Variants in THOC2 observed in about 807,000 individuals in gnomAD.
THOC2 encodes THO complex 2.
A neutral mutation model predicts 128.4 loss-of-function variants in THOC2; 10 were observed. That is an observed-to-expected ratio of 0.08 (90% CI 0.05 to 0.13). THOC2 has a LOEUF of 0.13. Ranked by LOEUF, THOC2 falls within the 10% of genes least tolerant of loss-of-function variation. The pLI is 1.00. For missense variants in THOC2, 535 were observed against 1,155.7 expected, an observed-to-expected ratio of 0.46 and a Z score of 7.79; for synonymous variants, 393 against 396.9, an observed-to-expected ratio of 0.99 and a Z score of 0.12.
Position 123,667,573 on chromosome X carries a change from A to G in THOC2, c.1018-295T>C, listed in dbSNP as rs185503099. ...GGCAACATGGCGAAATCCCATCTCT[A>G]CAAAAAATACAAAAATTAGCCAAGT... On this transcript the variant is annotated intron_variant, in intron 10 of 38. Coordinates refer to ENST00000245838, the MANE Select transcript of THOC2 (RefSeq NM_001081550.2). 1.1e-4 allele frequency among the ~76,000 whole-genome samples: 12 copies of G among 110,353 alleles called. No homozygotes were observed. In the East Asian group the frequency reaches 3.4e-3, roughly 31 times the overall value.
At chrX:123,716,712 G>C (rs1470904966) in intron 1 of THOC2, among the ~76,000 whole-genome samples, 3 of 98,400 alleles carry the variant, frequency 3.0e-5, no homozygotes, top group African/African-American at 1.1e-4. Flanking sequence ...CTGGGCGACA[G>C]AGCGAGACTC....
chrX:123,695,900 C>T, intron 7 of THOC2, 121 bp downstream of exon 7: 1 of 439,662 alleles, frequency 2.3e-6, no homozygotes, highest in Non-Finnish European at 3.8e-6. Context: ...AACACCTCTC[C>T]CATTCCTTAA....
Position 123,660,677 on chromosome X carries a change from A to G in THOC2, c.1386+4965T>C, listed in dbSNP as rs754120186. 2.7e-5 allele frequency among the ~76,000 whole-genome samples: 3 copies of G among 112,355 alleles called. No homozygotes were observed. The East Asian group carries it at 8.3e-4, about 31-fold the overall frequency. On this transcript the variant is annotated intron_variant, in intron 12 of 38. Coordinates refer to ENST00000245838, the MANE Select transcript of THOC2 (RefSeq NM_001081550.2). ...CTAACATGAATCATCCTTTTCAGAC[A>G]ATAAAAATCAAGAGTGAAACATTAT...
Position 123,654,186 on chromosome X carries a change from G to A in THOC2, c.1387-8811C>T, listed in dbSNP as rs188439330. On this transcript the variant is annotated intron_variant, in intron 12 of 38. Coordinates refer to ENST00000245838, the MANE Select transcript of THOC2 (RefSeq NM_001081550.2). ...AACCAAACACCGCATGTTCTCATTC[G>A]TAAGTGGGAGTTGAACAATTAGAAC... Among the ~76,000 whole-genome samples the A allele has an allele frequency of 5.2e-4, 57 of 109,727 alleles. No homozygotes were observed. The East Asian group carries it at 0.015, about 28-fold the overall frequency.
At position 123,723,003 on chromosome X, in the gene THOC2, A is replaced by C. The variant is rs375433792; in HGVS notation, c.71+9949T>G. ...AGACCAGCCTGCCCAACATGGTGAAACCCTGTCTCTACTAAAAACACAAAA... is the reference window on the plus strand; with the variant it reads ...AGACCAGCCTGCCCAACATGGTGAACCCCTGTCTCTACTAAAAACACAAAA... On this transcript the variant is annotated intron_variant, in intron 1 of 38. Coordinates refer to ENST00000245838, the MANE Select transcript of THOC2 (RefSeq NM_001081550.2). 6.3e-4 allele frequency among the ~76,000 whole-genome samples: 70 copies of C among 111,221 alleles called. 9 individuals are homozygous for C. The highest frequency in any genetic ancestry group is 5.1e-3 in the Admixed American group (53 of 10,458).
intron 12 of THOC2, among the ~76,000 whole-genome samples, chrX:123,651,175 C>T (rs1442155095): frequency 8.9e-6 from 1 of 111,762 alleles, no homozygotes; most frequent in African/African-American, 3.3e-5. Context: ...TACATGGAAA[C>T]TGAACAACTT....
chrX:123,708,849 C>A (rs183228635), intron 2 of THOC2, among the ~76,000 whole-genome samples: 1 of 111,442 alleles, frequency 9.0e-6, no homozygotes, highest in African/African-American at 3.3e-5. Context: ...TGGGTTCAAG[C>A]GCTTCTCCAG....
chrX:123,654,676 G>A (rs1013863755), intron 12 of THOC2, among the ~76,000 whole-genome samples: 6 of 99,728 alleles, frequency 6.0e-5, no homozygotes, highest in Non-Finnish European at 1.2e-4. Flanking sequence ...GGAGAATCGC[G>A]TGAACCTAGG....
intron 24 of THOC2, among the ~76,000 whole-genome samples, 184 bp downstream of exon 24, chrX:123,626,337 A>G (rs763353402): frequency 1.8e-5 from 2 of 112,503 alleles, no homozygotes; most frequent in African/African-American, 6.4e-5. Flanking sequence ...TAACTTCACC[A>G]GCAAACTATA....
At chrX:123,718,120 C>T (rs925774562) in intron 1 of THOC2, among the ~76,000 whole-genome samples, 8 of 111,974 alleles carry the variant, frequency 7.1e-5, no homozygotes, top group African/African-American at 1.9e-4. Flanking sequence ...GAATAGAGAG[C>T]GCAGATATTA....
chrX:123,680,761 G>A (rs2049739463), intron 8 of THOC2, among the ~76,000 whole-genome samples: 1 of 111,407 alleles, frequency 9.0e-6, no homozygotes, highest in East Asian at 2.8e-4. Flanking sequence ...CCCTAAGTTG[G>A]TGACAACACT....
intron 30 of THOC2, among the ~76,000 whole-genome samples, chrX:123,621,859 A>G (rs2047094879): frequency 9.0e-6 from 1 of 110,791 alleles, no homozygotes; most frequent in African/African-American, 3.3e-5. Context: ...CCTGGTCAAC[A>G]TGGTGAAACC....
At chrX:123,666,433 T>C (rs1325261920) in intron 11 of THOC2, among the ~76,000 whole-genome samples, 3 of 110,927 alleles carry the variant, frequency 2.7e-5, no homozygotes, top group African/African-American at 9.8e-5. Context: ...CAGGGGTCAC[T>C]CTCTAAGAAG....
At chrX:123,622,366 A>G (rs1287748564) in intron 30 of THOC2, among the ~76,000 whole-genome samples, 6 of 112,499 alleles carry the variant, frequency 5.3e-5, no homozygotes, top group African/African-American at 1.9e-4. Flanking sequence ...TTAACTTCAC[A>G]CCTACATTCC....
intron 12 of THOC2, among the ~76,000 whole-genome samples, chrX:123,649,316 A>AC (rs1437053653): frequency 2.7e-5 from 3 of 111,673 alleles, no homozygotes; most frequent in African/African-American, 9.8e-5. Context: ...AACGACAAAG[A>AC]CCAAAGGTAG....
At chrX:123,674,197 T>A (rs2049393594) in intron 8 of THOC2, among the ~76,000 whole-genome samples, 2 of 112,251 alleles carry the variant, frequency 1.8e-5, no homozygotes, top group South Asian at 7.4e-4. Flanking sequence ...ATTACACAAC[T>A]ATGTTTCCTT....
intron 33 of THOC2, among the ~76,000 whole-genome samples, chrX:123,617,176 T>C (rs1247682596): frequency 9.0e-6 from 1 of 110,903 alleles, no homozygotes; most frequent in Non-Finnish European, 1.9e-5. Flanking sequence ...TGCAAACCAG[T>C]ACTTTGCATG....
In THOC2 at chrX:123,624,457, T is replaced by A. The variant is rs1163286192; in HGVS notation, c.3186+84A>T. 1.1e-5 allele frequency: 11 copies of A among 997,570 alleles called. No homozygotes were observed. The African/African-American group carries it at 1.3e-4, about 12-fold the overall frequency. The allele number at this position is 997,570 out of a possible 1,213,427, so 82.2% of individuals were successfully genotyped here. The stretch of plus-strand genomic sequence containing the variant: ...ACAACTGAATCTTAAACTCAGCTTC[T>A]CTTTTAAAACTCAACTATCTAGATA... On this transcript the variant is annotated intron_variant, in intron 26 of 38. Coordinates refer to ENST00000245838, the MANE Select transcript of THOC2 (RefSeq NM_001081550.2).
At chrX:123,645,498 A>G (rs1389745460) in intron 12 of THOC2, 123 bp from the exon 13 acceptor site, 1 of 395,312 alleles carries the variant, frequency 2.5e-6, no homozygotes, top group Non-Finnish European at 4.2e-6. Context: ...ACTTTTTACA[A>G]ATATGTAGAT....
Sources: allele counts gnomAD v4.1 joint callset (sites outside exome capture counted in the v4.1 genomes callset), GRCh38; gene constraint gnomAD v4.1.1; transcripts MANE v1.5; gene names NCBI Gene and HGNC (gene_info 2026-07-23, HGNC 2026-07-21).